CSMD1: variants seen among roughly 807,000 people sequenced by gnomAD.
CSMD1 encodes CUB and Sushi multiple domains 1.
CSMD1 carries 213 observed loss-of-function variants against 417.5 expected under a neutral mutation model. That is an observed-to-expected ratio of 0.51 (90% CI 0.46 to 0.57). The LOEUF is 0.57. Among genes scored for constraint, CSMD1 ranks in the 20% least tolerant of loss-of-function variants. The pLI, the probability that CSMD1 is intolerant of heterozygous loss-of-function variation, is 0.00. For synonymous variants in CSMD1, 2,862 were observed against 1,736.8 expected (o/e 1.65, Z -16.11); for missense variants, 6,923 against 4,529.7 (o/e 1.53, Z -15.17).
intron 3 of CSMD1, among the ~76,000 whole-genome samples, chr8:4,205,782 G>A (rs1009737256): frequency 4.6e-5 from 7 of 152,016 alleles, no homozygotes; most frequent in African/African-American, 1.7e-4. Flanking sequence ...AGAAATAGAT[G>A]CCTGTGTTAG....
intron 1 of CSMD1, among the ~76,000 whole-genome samples, chr8:4,862,917 A>G (rs990140959): frequency 6.6e-6 from 1 of 151,958 alleles, no homozygotes; most frequent in Non-Finnish European, 1.5e-5. Context: ...ACACAGCACC[A>G]AGAGAGGCTG....
intron 50 of CSMD1, among the ~76,000 whole-genome samples, chr8:3,049,198 T>G (rs1252011318): frequency 1.3e-5 from 2 of 152,128 alleles, no homozygotes; most frequent in Non-Finnish European, 2.9e-5. Flanking sequence ...CTAAAAATAC[T>G]CTTACCATTC....
At chr8:3,320,763 C>G (rs895471295) in intron 23 of CSMD1, among the ~76,000 whole-genome samples, 2 of 152,142 alleles carry the variant, frequency 1.3e-5, no homozygotes, top group African/African-American at 2.4e-5. Flanking sequence ...GGTGCCAGCC[C>G]ATCCTCTCTG....
At chr8:4,827,463 A>T (rs1346116725) in intron 1 of CSMD1, among the ~76,000 whole-genome samples, 1 of 152,196 alleles carries the variant, frequency 6.6e-6, no homozygotes, top group East Asian at 1.9e-4. Context: ...CTCTTCAGCA[A>T]GTCAAAACAA....
At chr8:3,147,865 G>T (rs1289598983) in intron 40 of CSMD1, among the ~76,000 whole-genome samples, 1 of 152,172 alleles carries the variant, frequency 6.6e-6, no homozygotes, top group Non-Finnish European at 1.5e-5. Context: ...GCACTTACAG[G>T]AGGAGCTGGT....
intron 4 of CSMD1, among the ~76,000 whole-genome samples, chr8:4,012,012 GTAA>G (rs933139927): frequency 7.5e-5 from 11 of 146,218 alleles, no homozygotes; most frequent in African/African-American, 2.4e-4. Flanking sequence ...TATTGTTTAG[GTAA>G]TAATGACAAG....
chr8:3,892,753 T>C (rs949401513), intron 5 of CSMD1, among the ~76,000 whole-genome samples: 5 of 144,620 alleles, frequency 3.5e-5, no homozygotes, highest in South Asian at 4.4e-4. Flanking sequence ...CTGTGCATTA[T>C]GAAGTTATTG....
At chr8:4,638,654 A>C (rs1802995027) in intron 1 of CSMD1, among the ~76,000 whole-genome samples, 1 of 152,188 alleles carries the variant, frequency 6.6e-6, no homozygotes, top group African/African-American at 2.4e-5. Flanking sequence ...CAGTAAGTGA[A>C]TTAGCTTAGT....
chr8:4,687,594 A>T (rs1243344433), intron 1 of CSMD1, among the ~76,000 whole-genome samples: 4 of 152,202 alleles, frequency 2.6e-5, no homozygotes, highest in African/African-American at 9.7e-5. Context: ...TTAACAAGAA[A>T]GGTAGTTACT....
intron 23 of CSMD1, among the ~76,000 whole-genome samples, chr8:3,323,382 T>C (rs1278504674): frequency 1.3e-5 from 2 of 152,106 alleles, no homozygotes; most frequent in Non-Finnish European, 2.9e-5. Flanking sequence ...TTCAATAATC[T>C]ACCCTTCCCC....
intron 1 of CSMD1, among the ~76,000 whole-genome samples, chr8:4,748,818 T>C (rs975457286): frequency 1.1e-4 from 16 of 152,212 alleles, no homozygotes; most frequent in Non-Finnish European, 4.4e-5. Flanking sequence ...TGTGAACATA[T>C]GCCCCTTCGG....
chr8:3,820,184 T>C (rs932523781), intron 5 of CSMD1, among the ~76,000 whole-genome samples: 1 of 152,202 alleles, frequency 6.6e-6, no homozygotes, highest in Admixed American at 6.5e-5. Context: ...TCCAAAGTGC[T>C]GGGTGCTATA....
At chr8:4,180,736 CACTA>C (rs994821364) in intron 3 of CSMD1, among the ~76,000 whole-genome samples, 5 of 152,176 alleles carry the variant, frequency 3.3e-5, no homozygotes, top group Middle Eastern at 3.4e-3. Flanking sequence ...GGAAACATGG[CACTA>C]ACTGTTAGAA....
At chr8:3,884,924 T>TATTC (rs1333061959) in intron 5 of CSMD1, among the ~76,000 whole-genome samples, 3,654 of 146,080 alleles carry the variant, frequency 0.025, 56 homozygotes, top group Middle Eastern at 0.032. Flanking sequence ...TATATATATA[T>TATTC]ATATATTCAT....
intron 3 of CSMD1, among the ~76,000 whole-genome samples, chr8:4,139,850 T>C (rs1803675146): frequency 6.6e-6 from 1 of 150,694 alleles, no homozygotes; most frequent in Non-Finnish European, 1.5e-5. Context: ...AACAAAGTGA[T>C]CAGATGGAAA....
At chr8:3,348,987 G>T (rs1417336819) in intron 21 of CSMD1, among the ~76,000 whole-genome samples, 1 of 152,086 alleles carries the variant, frequency 6.6e-6, no homozygotes, top group Non-Finnish European at 1.5e-5. Context: ...TACATATACG[G>T]GTGCACACAC....
At chr8:3,199,180 G>C (rs1796860660) in intron 33 of CSMD1, among the ~76,000 whole-genome samples, 1 of 152,076 alleles carries the variant, frequency 6.6e-6, no homozygotes, top group Non-Finnish European at 1.5e-5. Flanking sequence ...AAGTATAAAG[G>C]TGTAAAAGTA....
At chr8:4,950,754 T>C (rs1466553386) in intron 1 of CSMD1, among the ~76,000 whole-genome samples, 1 of 152,112 alleles carries the variant, frequency 6.6e-6, no homozygotes, top group Admixed American at 6.6e-5. Context: ...TATAGCATTA[T>C]TTATAAGTGG....
chr8:3,529,180 T>C (rs1202021722), intron 10 of CSMD1, among the ~76,000 whole-genome samples: 1 of 152,234 alleles, frequency 6.6e-6, no homozygotes, highest in South Asian at 2.1e-4. Flanking sequence ...ATTTAGGTCC[T>C]ACTGTTTGAA....
Sources: gnomAD v4.1 joint callset for allele counts (sites outside exome capture counted in the v4.1 genomes callset) on GRCh38, gnomAD v4.1.1 for gene constraint, MANE v1.5 for transcripts, NCBI Gene and HGNC (gene_info 2026-07-23, HGNC 2026-07-21) for gene names.